Variants in PTPRD observed in about 807,000 individuals in gnomAD.
The protein encoded by PTPRD is protein tyrosine phosphatase receptor type D.
Under a neutral mutation model 214.5 loss-of-function variants are expected in PTPRD, and 34 were observed. That is an observed-to-expected ratio of 0.16 (90% CI 0.12 to 0.21). The LOEUF (loss-of-function observed/expected upper bound fraction) is 0.21. Ranked by LOEUF, PTPRD falls within the 10% of genes least tolerant of loss-of-function variation. The pLI, the probability that PTPRD is intolerant of heterozygous loss-of-function variation, is 1.00. For missense variants in PTPRD, 2,545 were observed against 2,398.7 expected (o/e 1.06, Z -1.27); for synonymous variants, 1,128 against 845.7 (o/e 1.33, Z -5.79).
At chr9:10,390,082 T>C (rs1363473188) in intron 2 of PTPRD, among the ~76,000 whole-genome samples, 1 of 151,808 alleles carries the variant, frequency 6.6e-6, no homozygotes. Context: ...AAATTGCCCA[T>C]TAGGAGCAAA....
chr9:9,589,457 G>C (rs1024542082), intron 7 of PTPRD, among the ~76,000 whole-genome samples: 1 of 151,846 alleles, frequency 6.6e-6, no homozygotes, highest in African/African-American at 2.4e-5. Context: ...TAGCAATTAA[G>C]ACAGGTTGCT....
At chr9:9,328,615 T>C (rs1038294176) in intron 9 of PTPRD, among the ~76,000 whole-genome samples, 2 of 130,512 alleles carry the variant, frequency 1.5e-5, no homozygotes, top group Non-Finnish European at 3.2e-5. Flanking sequence ...GTTGTTGTTC[T>C]TGCTTTTTTT....
chr9:9,541,369 T>C (rs1046406175), intron 8 of PTPRD, among the ~76,000 whole-genome samples: 1 of 151,748 alleles, frequency 6.6e-6, no homozygotes, highest in African/African-American at 2.4e-5. Flanking sequence ...CATGTGAATA[T>C]AGCAGTCACA....
intron 2 of PTPRD, among the ~76,000 whole-genome samples, chr9:10,378,779 G>T (rs182466062): frequency 6.2e-4 from 95 of 152,088 alleles, no homozygotes; most frequent in African/African-American, 2.1e-3. Context: ...CTTTTGCATA[G>T]AATAGTTTTG....
chr9:8,998,901 G>A (rs1419611958), intron 11 of PTPRD, among the ~76,000 whole-genome samples: 3 of 152,060 alleles, frequency 2.0e-5, no homozygotes, highest in Admixed American at 2.0e-4. Context: ...AGACTTCAGT[G>A]GAGGAAGTAA....
intron 10 of PTPRD, among the ~76,000 whole-genome samples, chr9:9,122,870 T>C (rs572517603): frequency 6.6e-6 from 1 of 152,204 alleles, no homozygotes; most frequent in Non-Finnish European, 1.5e-5. Flanking sequence ...TTTCCAGTGA[T>C]GATTAAAAAT....
chr9:9,019,321 A>AAAGAAAGAAAGAAAGGAAGG (rs1554629440), intron 10 of PTPRD, among the ~76,000 whole-genome samples: 3 of 87,606 alleles, frequency 3.4e-5, no homozygotes, highest in Non-Finnish European at 7.2e-5. Flanking sequence ...AGAAAGAAAG[A>AAAGAAAGAAAGAAAGGAAGG]AAGAAAGAAA....
chr9:10,496,841 A>G (rs986587888), intron 2 of PTPRD, among the ~76,000 whole-genome samples: 1 of 152,000 alleles, frequency 6.6e-6, no homozygotes, highest in Non-Finnish European at 1.5e-5. Context: ...AGTTCCCTAT[A>G]GATTCTGGAT....
intron 11 of PTPRD, among the ~76,000 whole-genome samples, chr9:8,785,676 G>A (rs1282405394): frequency 6.6e-6 from 1 of 152,152 alleles, no homozygotes; most frequent in Non-Finnish European, 1.5e-5. Flanking sequence ...GCACACTGAA[G>A]CCATATAAAA....
chr9:8,314,361 A>G lies in PTPRD; in HGVS notation c.*3513T>C, dbSNP rs1324964141. 1 of 228,912 alleles carries G rather than the reference A, an allele frequency of 4.4e-6. No homozygotes were observed. The highest frequency in any genetic ancestry group is 6.2e-5 in the East Asian group (1 of 16,094). 14.2% of individuals were successfully genotyped at this position (228,912 alleles called of 1,614,324 possible). A position where few individuals can be genotyped will look rare whatever the true frequency, so the allele number is the denominator to read the frequency against. On this transcript the variant is annotated 3_prime_UTR_variant, in exon 46 of 46. Coordinates refer to ENST00000381196, the MANE Select transcript of PTPRD (RefSeq NM_002839.4). ...CACCAATGTAACGAAGTAAGAAAATAAAAAGCACGCCTTTCATTCTGTAAA... is the reference window on the plus strand; with the variant it reads ...CACCAATGTAACGAAGTAAGAAAATGAAAAGCACGCCTTTCATTCTGTAAA...
chr9:10,025,079 C>T (rs978560550), intron 4 of PTPRD, among the ~76,000 whole-genome samples: 7 of 151,512 alleles, frequency 4.6e-5, no homozygotes, highest in South Asian at 4.2e-4. Flanking sequence ...TGAATAGTGC[C>T]GCAATAAACA....
intron 10 of PTPRD, among the ~76,000 whole-genome samples, chr9:9,134,806 C>CGTGTGTGTGTGTGTGTGTGT (rs142357379): frequency 4.0e-5 from 6 of 150,572 alleles, no homozygotes; most frequent in African/African-American, 1.2e-4. Context: ...ATTTGGAGTG[C>CGTGTGTGTGTGTGTGTGTGT]GTGTGTGTGT....
In PTPRD at chr9:8,976,379, A is replaced by T. The variant is rs115221746; in HGVS notation, c.-104+42318T>A. Reference sequence around the variant, plus strand: ...TTCCAAATATGACTTGGTAACCACTATCAAACACTAGGCTTCATATGTTCT... The same window carrying T: ...TTCCAAATATGACTTGGTAACCACTTTCAAACACTAGGCTTCATATGTTCT... On this transcript the variant is annotated intron_variant, in intron 11 of 45. Transcript: ENST00000381196. Among the ~76,000 whole-genome samples, 1,184 of 152,202 alleles carry T rather than the reference A, an allele frequency of 7.8e-3. 19 individuals carry two copies. The highest frequency in any genetic ancestry group is 0.028 in the African/African-American group (1,143 of 41,552).
rs76981846 is a variant in PTPRD, at chr9:9,628,555, C to G, written c.-286-53774G>C. Among the ~76,000 whole-genome samples, 1,385 of 152,196 alleles carry G rather than the reference C, an allele frequency of 9.1e-3. 6 individuals carry two copies. The highest frequency in any genetic ancestry group is 0.015 in the Non-Finnish European group (991 of 68,016). ...AGAACAGCTCAAATCCTTTCACTCC[C>G]CTTGGCAAAAGCTTTATTATTCCAA... On this transcript the variant is annotated intron_variant, in intron 7 of 45. Transcript: ENST00000381196.
intron 3 of PTPRD, among the ~76,000 whole-genome samples, chr9:10,043,546 CTAAAACTGTCTG>C (rs1308779639): frequency 2.0e-5 from 3 of 151,756 alleles, no homozygotes; most frequent in Non-Finnish European, 4.4e-5. Flanking sequence ...TATGAGCCTT[CTAAAACTGTCTG>C]TAAAATTTTG....
chr9:9,909,825 A>AGG (rs1295180170), intron 5 of PTPRD, among the ~76,000 whole-genome samples: 2 of 151,698 alleles, frequency 1.3e-5, no homozygotes, highest in African/African-American at 4.8e-5. Context: ...CTGATTCAAC[A>AGG]TCTGTTTTTG....
chr9:9,768,985 ACACCCTAGGAT>A (rs893148433), intron 5 of PTPRD, among the ~76,000 whole-genome samples: 7 of 152,166 alleles, frequency 4.6e-5, no homozygotes, highest in African/African-American at 1.7e-4. Context: ...ATAGGCACAT[ACACCCTAGGAT>A]GGGAATAAGT....
chr9:8,926,558 T>A (rs2098895441), intron 11 of PTPRD, among the ~76,000 whole-genome samples: 1 of 152,154 alleles, frequency 6.6e-6, no homozygotes, highest in African/African-American at 2.4e-5. Context: ...AGAGCCCAAC[T>A]CAGTGCCTTG....
chr9:8,434,068 T>TG (rs1261218029), intron 35 of PTPRD, among the ~76,000 whole-genome samples: 1 of 152,136 alleles, frequency 6.6e-6, no homozygotes, highest in Non-Finnish European at 1.5e-5. Context: ...CTGCAACCTC[T>TG]GCCTCCCAGG....
Sources: allele counts gnomAD v4.1 joint callset (sites outside exome capture counted in the v4.1 genomes callset), GRCh38; gene constraint gnomAD v4.1.1; transcripts MANE v1.5; gene names NCBI Gene and HGNC (gene_info 2026-07-23, HGNC 2026-07-21).